Variants in PHKB observed in about 807,000 individuals in gnomAD.
PHKB encodes phosphorylase b kinase regulatory subunit beta.
Under a neutral mutation model 152.1 loss-of-function variants are expected in PHKB, and 122 were observed. The observed-to-expected ratio is 0.80, with a 90% CI of 0.69 to 0.93. The LOEUF is 0.93. PHKB is among the 40% of genes least tolerant of loss of function. The pLI is 0.00. For missense variants in PHKB, 1,304 were observed against 1,328.4 expected (o/e 0.98, Z 0.29); for synonymous variants, 436 against 464.9 (o/e 0.94, Z 0.80).
intron 6 of PHKB, among the ~76,000 whole-genome samples, chr16:47,516,031 G>A (rs999964424): frequency 2.6e-5 from 4 of 151,468 alleles, no homozygotes; most frequent in South Asian, 2.1e-4. Flanking sequence ...AGGTTCAAGC[G>A]ATTCCCCTGC....
intron 30 of PHKB, among the ~76,000 whole-genome samples, chr16:47,698,912 A>G (rs562960004): frequency 4.6e-5 from 7 of 152,288 alleles, no homozygotes; most frequent in Admixed American, 2.0e-4. Context: ...GGACAATAGA[A>G]TGCAGTGACA....
intron 13 of PHKB, among the ~76,000 whole-genome samples, chr16:47,602,888 T>C (rs563933615): frequency 6.6e-6 from 1 of 152,300 alleles, no homozygotes; most frequent in Admixed American, 6.5e-5. Flanking sequence ...ACTATGGATA[T>C]CCAGTAGCTC....
At chr16:47,471,827 A>G (rs1363840236) in intron 1 of PHKB, among the ~76,000 whole-genome samples, 2 of 152,302 alleles carry the variant, frequency 1.3e-5, no homozygotes, top group Non-Finnish European at 1.5e-5. Flanking sequence ...TATAAAATGT[A>G]TATGTGTCAC....
chr16:47,537,190 G>A (rs1457179517), intron 6 of PHKB, among the ~76,000 whole-genome samples: 3 of 152,220 alleles, frequency 2.0e-5, no homozygotes, highest in Non-Finnish European at 2.9e-5. Context: ...AAACATAGTA[G>A]TGTCAAAAGA....
intron 14 of PHKB, among the ~76,000 whole-genome samples, chr16:47,613,838 G>A (rs993314325): frequency 6.6e-6 from 1 of 151,954 alleles, no homozygotes; most frequent in East Asian, 1.9e-4. Context: ...GTCATTTTAG[G>A]AATGTTATAA....
intron 10 of PHKB, among the ~76,000 whole-genome samples, chr16:47,592,851 T>C (rs1488163133): frequency 6.6e-6 from 1 of 152,172 alleles, no homozygotes; most frequent in Non-Finnish European, 1.5e-5. Context: ...GGAAAAATTT[T>C]TTTAAAAAAA....
At position 47,664,891 on chromosome 16, in the gene PHKB, G is replaced by T. The variant is rs764952326; in HGVS notation, c.2343G>T (p.Ala781=). Residue 781 remains alanine (A), a synonymous_variant, in exon 25 of 31, where the codon GCG becomes GCT. Coordinates refer to ENST00000323584, the MANE Select transcript of PHKB (RefSeq NM_000293.3). The part of the protein sequence containing the change: ...RRAGSQKLWL[A]VRYGAAFTQK... ...TTTCCACTGACACACCCAGGTTGGC[G>T]GTGCGCTACGGGGCTGCATTTACCC... 1 of 1,611,990 alleles carries T rather than the reference G, an allele frequency of 6.2e-7. No individual in the cohort carries two copies. Among genetic ancestry groups the T allele is most frequent in the Non-Finnish European group, 8.5e-7 (1 of 1,178,372 alleles).
In PHKB at chr16:47,589,054, A is replaced by G. The variant is rs1971983854; in HGVS notation, c.1020A>G (p.Thr340=). The change falls in exon 10 of 31, where the codon ACA becomes ACG. Residue 340 remains threonine, a synonymous_variant. Transcript: ENST00000323584. ...FKRFLRDGYR[T]SLEDPNRCYY... ...GTTTCTTGAGAGATGGGTATAGAAC[A>G]TCATTGGAAGATCCCAACAGATGCT... The G allele has an allele frequency of 1.9e-6, 3 of 1,613,736 alleles. No homozygotes were observed. The highest frequency in any genetic ancestry group is 2.5e-6 in the Non-Finnish European group (3 of 1,179,646).
intron 6 of PHKB, among the ~76,000 whole-genome samples, chr16:47,537,863 C>T (rs1011606475): frequency 2.7e-5 from 4 of 148,652 alleles, no homozygotes; most frequent in Non-Finnish European, 5.9e-5. Flanking sequence ...TGTAAACATA[C>T]GTGGAAAATT....
At chr16:47,532,032 T>C (rs1421343292) in intron 6 of PHKB, among the ~76,000 whole-genome samples, 1 of 152,158 alleles carries the variant, frequency 6.6e-6, no homozygotes, top group Non-Finnish European at 1.5e-5. Flanking sequence ...AAGATATGTA[T>C]CTAGAATAAA....
chr16:47,576,853 G>A (rs1173491894), intron 7 of PHKB, among the ~76,000 whole-genome samples: 5 of 151,828 alleles, frequency 3.3e-5, no homozygotes, highest in Admixed American at 3.3e-4. Context: ...TATATTTGAG[G>A]GGACTTTTTT....
chr16:47,530,690 A>ATAAC (rs1463951115), intron 6 of PHKB, among the ~76,000 whole-genome samples: 1 of 152,226 alleles, frequency 6.6e-6, no homozygotes, highest in Non-Finnish European at 1.5e-5. Context: ...TAGAGCAGCA[A>ATAAC]TAACTAGTCA....
chr16:47,519,208 A>C (rs1397945520), intron 6 of PHKB, among the ~76,000 whole-genome samples: 1 of 152,214 alleles, frequency 6.6e-6, no homozygotes, highest in African/African-American at 2.4e-5. Flanking sequence ...GTTTTCTACC[A>C]TATGACCTAG....
chr16:47,604,898 A>G (rs1490647635), intron 13 of PHKB, among the ~76,000 whole-genome samples: 1 of 152,144 alleles, frequency 6.6e-6, no homozygotes. Context: ...GTAGAAAGCC[A>G]TTATCTCTTA....
At chr16:47,500,154 C>T (rs982572576) in intron 3 of PHKB, among the ~76,000 whole-genome samples, 8 of 152,074 alleles carry the variant, frequency 5.3e-5, no homozygotes, top group African/African-American at 1.9e-4. Flanking sequence ...TCTGCTGCCT[C>T]AGCCTCCCTA....
intron 4 of PHKB, among the ~76,000 whole-genome samples, chr16:47,504,795 T>A (rs1567282827): frequency 6.6e-6 from 1 of 152,218 alleles, no homozygotes; most frequent in Non-Finnish European, 1.5e-5. Context: ...GCAGTGAAGG[T>A]GAAGGCCAGC....
intron 4 of PHKB, among the ~76,000 whole-genome samples, chr16:47,506,080 A>G (rs1970413052): frequency 2.0e-5 from 3 of 151,520 alleles, no homozygotes; most frequent in Middle Eastern, 3.4e-3. Flanking sequence ...TAAGCTGGGC[A>G]TGATGGCTCA....
chr16:47,557,710 C>T (rs1457611746), intron 7 of PHKB, among the ~76,000 whole-genome samples: 9 of 152,072 alleles, frequency 5.9e-5, no homozygotes, highest in African/African-American at 9.6e-5. Context: ...GTTAGAATGG[C>T]GATCATTAAA....
intron 1 of PHKB, among the ~76,000 whole-genome samples, chr16:47,489,795 G>A (rs1028346987): frequency 4.6e-5 from 7 of 151,852 alleles, no homozygotes; most frequent in South Asian, 2.1e-4. Context: ...GAAGCATACC[G>A]TTCCAGTGAA....
Sources: allele counts gnomAD v4.1 joint callset (sites outside exome capture counted in the v4.1 genomes callset), GRCh38; gene constraint gnomAD v4.1.1; transcripts MANE v1.5; gene names NCBI Gene and HGNC (gene_info 2026-07-23, HGNC 2026-07-21).